The following IRF2 variants were observed in gnomAD, a reference collection of about 807,000 sequenced individuals.
IRF2 encodes the protein interferon regulatory factor 2.
A neutral mutation model predicts 40.6 loss-of-function variants in IRF2; 15 were observed. That is an observed-to-expected ratio of 0.37 (90% CI 0.25 to 0.57). The LOEUF (loss-of-function observed/expected upper bound fraction) is 0.57, where lower values mean the gene tolerates loss of function less well. Ranked by LOEUF, IRF2 falls within the 20% of genes least tolerant of loss-of-function variation. The pLI, the probability that IRF2 is intolerant of heterozygous loss-of-function variation, is 0.77. For missense variants in IRF2, 317 were observed against 455.7 expected, an observed-to-expected ratio of 0.70 and a Z score of 2.77; for synonymous variants, 151 against 165.5, an observed-to-expected ratio of 0.91 and a Z score of 0.67.
rs1269544433 is a variant in IRF2, at chr4:184,388,050, CT to C, written c.*707del. ...GAATTTGCATAATATTTCCATGATA[CT>C]TTTTCCTTTGTACCGCGTGGCATTC... is the stretch of plus-strand genomic sequence containing the variant. On this transcript the variant is annotated 3_prime_UTR_variant, in exon 9 of 9. Coordinates refer to ENST00000393593, the MANE Select transcript of IRF2 (RefSeq NM_002199.4). This position sits in a 1 kb window ranked among gnomAD's most constrained non-coding sequence, Gnocchi z 4.6. 1 of 152,560 alleles carries C rather than the reference CT, an allele frequency of 6.6e-6. No individual in the cohort carries two copies. Among genetic ancestry groups the C allele is most frequent in the African/African-American group, 2.4e-5 (1 of 41,426 alleles). The allele number at this position is 152,560 out of a possible 1,614,324, so 9.5% of individuals were successfully genotyped here.
At chr4:184,441,930 C>A (rs1738326400) in intron 1 of IRF2, among the ~76,000 whole-genome samples, 1 of 152,166 alleles carries the variant, frequency 6.6e-6, no homozygotes, top group Non-Finnish European at 1.5e-5. Context: ...CCTGACTTAG[C>A]ATTTGGATAT....
chr4:184,441,810 G>A (rs547542904), intron 1 of IRF2, among the ~76,000 whole-genome samples: 8 of 152,226 alleles, frequency 5.3e-5, no homozygotes, highest in Non-Finnish European at 8.8e-5. Context: ...GGGTACTACT[G>A]TGGTCCCCAT....
chr4:184,425,525 C>A (rs1443020342), intron 2 of IRF2, among the ~76,000 whole-genome samples: 1 of 152,248 alleles, frequency 6.6e-6, no homozygotes, highest in Non-Finnish European at 1.5e-5. Flanking sequence ...TGTTCCAGGG[C>A]GGTGCTGAGA....
chr4:184,408,622 C>T lies in IRF2; in HGVS notation c.412-347G>A, dbSNP rs955559519. ...TGCACTGCGTGGATTCTACACTCTC[C>T]TCCTCTGAGGGGGTGCTCAAAAGAA... On this transcript the variant is annotated intron_variant, in intron 5 of 8. Transcript: ENST00000393593. This position sits in a 1 kb window ranked among gnomAD's most constrained non-coding sequence, Gnocchi z 4.9. 1.3e-5 allele frequency among the ~76,000 whole-genome samples: 2 copies of T among 152,266 alleles called. No homozygotes were observed. Among genetic ancestry groups the T allele is most frequent in the African/African-American group, 2.4e-5 (1 of 41,464 alleles).
At chr4:184,464,623 T>C (rs914778343) in intron 1 of IRF2, among the ~76,000 whole-genome samples, 1 of 152,146 alleles carries the variant, frequency 6.6e-6, no homozygotes. Flanking sequence ...AAAAGGATAA[T>C]AAAACCTCTA....
chr4:184,446,344 G>A (rs1471964221), intron 1 of IRF2, among the ~76,000 whole-genome samples: 1 of 152,184 alleles, frequency 6.6e-6, no homozygotes, highest in Non-Finnish European at 1.5e-5. Context: ...AGGGTGGCTG[G>A]GGCAGCAGCC....
At chr4:184,418,495 A>AG in intron 4 of IRF2, 37 bp downstream of exon 4, 1 of 1,592,386 alleles carries the variant, frequency 6.3e-7, no homozygotes, top group Non-Finnish European at 8.6e-7. Context: ...GATGACACAA[A>AG]TTGATTTACC....
intron 2 of IRF2, chr4:184,428,656 A>G (rs1013497630): frequency 1.1e-5 from 5 of 461,722 alleles, no homozygotes; most frequent in Non-Finnish European, 2.1e-5. Flanking sequence ...AAAATTGGCC[A>G]GGTGTGGTGA....
chr4:184,444,116 G>A (rs546644980), intron 1 of IRF2, among the ~76,000 whole-genome samples: 85 of 152,260 alleles, frequency 5.6e-4, no homozygotes, highest in South Asian at 1.0e-3. Context: ...AGACCTCGGC[G>A]GCTCCCATAT....
chr4:184,471,947 T>C (rs1466994271), intron 1 of IRF2: 1 of 152,254 alleles, frequency 6.6e-6, no homozygotes, highest in Non-Finnish European at 1.5e-5. Context: ...TGTAAATGTT[T>C]AATTTTAACA....
At position 184,448,954 on chromosome 4, in the gene IRF2, G is replaced by A. The variant is rs1257370497; in HGVS notation, c.-6-19884C>T. The A allele has an allele frequency of 6.6e-6, 1 of 152,254 alleles. No homozygotes were observed. Among genetic ancestry groups the A allele is most frequent in the Non-Finnish European group, 1.5e-5 (1 of 68,090 alleles). The allele number at this position is 152,254 out of a possible 1,614,324, so 9.4% of individuals were successfully genotyped here. On this transcript the variant is annotated intron_variant, in intron 1 of 8. Transcript: ENST00000393593. The surrounding 1 kb of genome is among the most constrained non-coding windows in gnomAD (Gnocchi z 4.3). ...AAGACGGAAGCCTGAACAACTGTCA[G>A]TTCCACTTGCTCGTACTTGGCTGAA... is the stretch of plus-strand genomic sequence containing the variant.
Position 184,462,661 on chromosome 4 carries a change from C to T in IRF2, c.-7+11718G>A, listed in dbSNP as rs185225976. Among the ~76,000 whole-genome samples, 5 of 152,302 alleles carry T rather than the reference C, an allele frequency of 3.3e-5. No homozygotes were observed. In the East Asian group the frequency reaches 7.7e-4, roughly 24 times the overall value. ...ATTAGGATCATCATTGGAACTTAAA[C>T]ATCAAAAGAAGAAACTGATAATATT... On this transcript the variant is annotated intron_variant, in intron 1 of 8. Transcript: ENST00000393593.
At chr4:184,437,354 C>A (rs1322252462) in intron 1 of IRF2, among the ~76,000 whole-genome samples, 2 of 126,836 alleles carry the variant, frequency 1.6e-5, no homozygotes, top group Non-Finnish European at 3.4e-5. Context: ...CCGCGCCTGG[C>A]CTAATTTTTT....
intron 5 of IRF2, among the ~76,000 whole-genome samples, chr4:184,416,214 A>C (rs1737260653): frequency 6.6e-6 from 1 of 150,978 alleles, no homozygotes; most frequent in African/African-American, 2.4e-5. Flanking sequence ...TACTAGAGGG[A>C]GGCTGAGGCG....
At chr4:184,396,568 G>A (rs56151619) in intron 7 of IRF2, among the ~76,000 whole-genome samples, 3,368 of 151,944 alleles carry the variant, frequency 0.022, 132 homozygotes, top group African/African-American at 0.078. Flanking sequence ...CCAAGTGGCT[G>A]GGACTACGGG....
At chr4:184,439,597 T>C (rs1333771679) in intron 1 of IRF2, among the ~76,000 whole-genome samples, 1 of 152,154 alleles carries the variant, frequency 6.6e-6, no homozygotes, top group Non-Finnish European at 1.5e-5. Context: ...AAATCAAAAG[T>C]CTAAAATGCT....
At chr4:184,422,327 C>T (rs1425670085) in intron 2 of IRF2, among the ~76,000 whole-genome samples, 2 of 152,158 alleles carry the variant, frequency 1.3e-5, no homozygotes, top group Non-Finnish European at 2.9e-5. Flanking sequence ...CCTCACACAT[C>T]GCTGTGGAAA....
rs1737161497 is a variant in IRF2, at chr4:184,413,784, C to T, written c.411+4383G>A. Among the ~76,000 whole-genome samples the T allele has an allele frequency of 6.6e-6, 1 of 152,230 alleles. No homozygotes were observed. Among genetic ancestry groups the T allele is most frequent in the South Asian group, 2.1e-4 (1 of 4,832 alleles). ...GTATGTTTCAGCTGCAAACAACCCT[C>T]CGAAGCAGGAAGTACCCATTTCTAT... On this transcript the variant is annotated intron_variant, in intron 5 of 8. Transcript: ENST00000393593. This position sits in a 1 kb window ranked among gnomAD's most constrained non-coding sequence, Gnocchi z 4.2.
At chr4:184,464,133 G>A (rs954948108) in intron 1 of IRF2, among the ~76,000 whole-genome samples, 1 of 152,134 alleles carries the variant, frequency 6.6e-6, no homozygotes, top group African/African-American at 2.4e-5. Flanking sequence ...TATGAAGACA[G>A]CGACCATTTA....
Sources: gnomAD v4.1 joint callset for allele counts (sites outside exome capture counted in the v4.1 genomes callset) on GRCh38, gnomAD v4.1.1 for gene constraint, Gnocchi (gnomAD v3.1) non-coding constraint, MANE v1.5 for transcripts, NCBI Gene and HGNC (gene_info 2026-07-23, HGNC 2026-07-21) for gene names.